Variants in GPR158 observed in about 807,000 individuals in gnomAD.
GPR158 encodes the protein metabotropic glycine receptor.
A neutral mutation model predicts 78.2 loss-of-function variants in GPR158; 30 were observed. That is an observed-to-expected ratio of 0.38 (90% CI 0.29 to 0.52). GPR158 has a LOEUF of 0.52. GPR158 is among the 20% of genes least tolerant of loss of function. GPR158 has a pLI of 0.83. For synonymous variants in GPR158, 581 were observed against 591.1 expected (o/e 0.98, Z 0.25); for missense variants, 1,463 against 1,523.5 (o/e 0.96, Z 0.66).
At chr10:25,367,401 T>A (rs1855739374) in intron 2 of GPR158, among the ~76,000 whole-genome samples, 1 of 151,714 alleles carries the variant, frequency 6.6e-6, no homozygotes, top group Admixed American at 6.6e-5. Flanking sequence ...TTACAAAAAG[T>A]TTCGATAACT....
chr10:25,378,598 C>T (rs1037329597), intron 2 of GPR158, among the ~76,000 whole-genome samples: 9 of 137,308 alleles, frequency 6.6e-5, no homozygotes, highest in Non-Finnish European at 9.6e-5. Flanking sequence ...ACTTTTCCTT[C>T]TCTTTGCCAG....
At chr10:25,369,579 A>G (rs999959657) in intron 2 of GPR158, among the ~76,000 whole-genome samples, 2 of 151,230 alleles carry the variant, frequency 1.3e-5, no homozygotes, top group East Asian at 1.9e-4. Context: ...CCAGTATTTT[A>G]TTGAGGATTT....
At chr10:25,247,479 C>T (rs1317143264) in intron 2 of GPR158, among the ~76,000 whole-genome samples, 1 of 107,740 alleles carries the variant, frequency 9.3e-6, no homozygotes, top group Non-Finnish European at 1.8e-5. Flanking sequence ...CCCCACCCCA[C>T]CACAGTCCCC....
At chr10:25,581,255 G>GAGACAGACTTGCTGTGTTGACC (rs757800268) in intron 7 of GPR158, among the ~76,000 whole-genome samples, 165 of 152,246 alleles carry the variant, frequency 1.1e-3, no homozygotes, top group Non-Finnish European at 1.9e-3. Context: ...ATTTTTATGA[G>GAGACAGACTTGCTGTGTTGACC]AGACAGACTT....
intron 4 of GPR158, among the ~76,000 whole-genome samples, chr10:25,431,610 A>G (rs910365171): frequency 7.2e-6 from 1 of 138,352 alleles, no homozygotes; most frequent in Non-Finnish European, 1.6e-5. Context: ...GAACCAACCC[A>G]AATGTCCAAT....
At chr10:25,188,168 TG>T (rs1318740281) in intron 1 of GPR158, among the ~76,000 whole-genome samples, 2 of 152,140 alleles carry the variant, frequency 1.3e-5, no homozygotes, top group Non-Finnish European at 2.9e-5. Flanking sequence ...TCCATGCTCA[TG>T]GATAGGAAGA....
intron 4 of GPR158, among the ~76,000 whole-genome samples, chr10:25,438,366 T>G (rs542638324): frequency 6.6e-6 from 1 of 152,168 alleles, no homozygotes; most frequent in Admixed American, 6.5e-5. Flanking sequence ...AGGTAGAAAA[T>G]ATTGGCATCG....
intron 2 of GPR158, among the ~76,000 whole-genome samples, chr10:25,318,199 C>G (rs538142442): frequency 5.3e-5 from 8 of 152,040 alleles, no homozygotes; most frequent in African/African-American, 1.4e-4. Flanking sequence ...TATGTGTCTT[C>G]CAGTTTTTTA....
At chr10:25,313,932 G>A (rs1854806835) in intron 2 of GPR158, among the ~76,000 whole-genome samples, 1 of 152,116 alleles carries the variant, frequency 6.6e-6, no homozygotes, top group Non-Finnish European at 1.5e-5. Context: ...AAGGTTTGGT[G>A]TAATTATCCG....
rs565334193 is a variant in GPR158 at position 25,533,927 on chromosome 10, G to A, written c.1405-17049G>A. Among the ~76,000 whole-genome samples, 166 of 152,242 alleles carry A rather than the reference G, an allele frequency of 1.1e-3. 2 individuals are homozygous for A. Among genetic ancestry groups the A allele is most frequent in the African/African-American group, 3.9e-3 (164 of 41,534 alleles). The stretch of plus-strand genomic sequence containing the variant: ...CTCAGCTTCCCCATATGTAAAGTGG[G>A]AGTAATAATAATGCCTACATCACAG... On this transcript the variant is annotated intron_variant, in intron 5 of 10. Transcript: ENST00000376351.
intron 2 of GPR158, among the ~76,000 whole-genome samples, chr10:25,368,047 A>G (rs183435063): frequency 2.0e-5 from 3 of 151,998 alleles, no homozygotes; most frequent in Admixed American, 6.6e-5. Context: ...CCTTACTCAG[A>G]TGTGGTGTCT....
Position 25,175,956 on chromosome 10 carries a change from G to C in GPR158, c.536G>C (p.Ser179Thr). 6.2e-7 allele frequency: 1 copy of C among 1,613,458 alleles called. No individual in the cohort carries two copies. The change falls in exon 1 of 11, where the codon AGC becomes ACC. Residue 179 changes from serine to threonine, a missense_variant. Physicochemically the swap from Ser to Thr is moderately conservative, Grantham distance 58 (BLOSUM62 1). Coordinates refer to ENST00000376351, the MANE Select transcript of GPR158 (RefSeq NM_020752.3). This position sits in a 1 kb window ranked among gnomAD's most constrained non-coding sequence, Gnocchi z 6.4. ...ATCTCCCGGGCGGCCATCACCTTCA[G>C]CACCGATTCGCTGTCCGCACCGGCC... Reference protein sequence around the residue: ...PSISRAAITFSTDSLSAPAPQ... With the variant: ...PSISRAAITFTTDSLSAPAPQ...
At chr10:25,580,094 A>AT (rs554291798) in intron 7 of GPR158, among the ~76,000 whole-genome samples, 17 of 152,304 alleles carry the variant, frequency 1.1e-4, no homozygotes, top group African/African-American at 4.1e-4. Flanking sequence ...CTTGTTATAT[A>AT]TTTTATTCAC....
chr10:25,183,499 C>T (rs1852638552), intron 1 of GPR158, among the ~76,000 whole-genome samples: 1 of 152,130 alleles, frequency 6.6e-6, no homozygotes. Flanking sequence ...TTTTTCCAAA[C>T]AAAAATCCTG....
At chr10:25,307,940 T>A (rs1005637895) in intron 2 of GPR158, among the ~76,000 whole-genome samples, 1 of 152,190 alleles carries the variant, frequency 6.6e-6, no homozygotes, top group Non-Finnish European at 1.5e-5. Context: ...TCAAAACACA[T>A]ATTTTTTCTT....
intron 5 of GPR158, among the ~76,000 whole-genome samples, chr10:25,506,572 A>G (rs1257789735): frequency 1.3e-5 from 2 of 152,236 alleles, no homozygotes; most frequent in Non-Finnish European, 2.9e-5. Flanking sequence ...ACCAAAGTTC[A>G]AAGACTCACA....
chr10:25,212,820 C>T (rs138866545), intron 1 of GPR158, among the ~76,000 whole-genome samples: 2,450 of 151,868 alleles, frequency 0.016, 37 homozygotes, highest in Non-Finnish European at 0.027. Context: ...TTATTAAAGA[C>T]GGGGTTTCAC....
chr10:25,260,079 T>C (rs1412900432), intron 2 of GPR158, among the ~76,000 whole-genome samples: 1 of 152,180 alleles, frequency 6.6e-6, no homozygotes, highest in Non-Finnish European at 1.5e-5. Context: ...TGAATACAAG[T>C]AATAAGAATA....
chr10:25,532,157 A>G (rs986953236), intron 5 of GPR158, among the ~76,000 whole-genome samples: 1 of 152,172 alleles, frequency 6.6e-6, no homozygotes, highest in African/African-American at 2.4e-5. Flanking sequence ...TCTTTAACCA[A>G]GTTGAGAAGG....
Sources: gnomAD v4.1 joint callset for allele counts (sites outside exome capture counted in the v4.1 genomes callset) on GRCh38, gnomAD v4.1.1 for gene constraint, Gnocchi (gnomAD v3.1) non-coding constraint, MANE v1.5 for transcripts, NCBI Gene and HGNC (gene_info 2026-07-23, HGNC 2026-07-21) for gene names.